Variants in PRSS55 observed in about 807,000 individuals in gnomAD.
The protein encoded by PRSS55 is probable serine protease UNQ9391/PRO34284.
Under a neutral mutation model 23.6 loss-of-function variants are expected in PRSS55, and 41 were observed. The ratio of observed to expected loss-of-function variants is 1.74; its 90% CI spans 1.35 to 2.26. The LOEUF is 2.26. Ranked by LOEUF, PRSS55 falls within the 30% of genes most tolerant of loss-of-function variation. The pLI is 0.00. For missense variants in PRSS55, 669 were observed against 439.1 expected, an observed-to-expected ratio of 1.52 and a Z score of -4.68; for synonymous variants, 262 against 175.5, an observed-to-expected ratio of 1.49 and a Z score of -3.90.
chr8:10,539,682 G>C (rs555021308), downstream of PRSS55, among the ~76,000 whole-genome samples: 3 of 152,286 alleles, frequency 2.0e-5, no homozygotes, highest in Non-Finnish European at 4.4e-5. Context: ...TTTTATAAGA[G>C]GTTTCCCTTT....
rs572189644 is a variant in PRSS55, at chr8:10,529,712, G to A, written c.347+13G>A. On this transcript the variant is annotated intron_variant, in intron 2 of 4. Transcript: ENST00000328655. Reference sequence around the variant, plus strand: ...CCGAGGAGCTGTTGTAAGTACCATGGGCCTCCCACTGCCACCTCTCAGGGC... The same window carrying A: ...CCGAGGAGCTGTTGTAAGTACCATGAGCCTCCCACTGCCACCTCTCAGGGC... 1 of 1,604,268 alleles carries A rather than the reference G, an allele frequency of 6.2e-7. No homozygotes were observed. The highest frequency in any genetic ancestry group is 1.3e-5 in the African/African-American group (1 of 74,856).
chr8:10,552,002 A>G (rs1812962582), intron 4 of PRSS55, among the ~76,000 whole-genome samples: 1 of 152,202 alleles, frequency 6.6e-6, no homozygotes, highest in Non-Finnish European at 1.5e-5. Context: ...GGGTGTGGAG[A>G]TGCACGGCAG....
At chr8:10,529,783 A>C (rs1812183278) in intron 2 of PRSS55, 84 bp downstream of exon 2, 1 of 1,363,056 alleles carries the variant, frequency 7.3e-7, no homozygotes, top group Non-Finnish European at 1.0e-6. Context: ...CTGGTGGCTG[A>C]GAGGAACCTG....
Position 10,538,470 on chromosome 8 carries a change from C to T in PRSS55, c.742-6C>T. On this transcript the variant is annotated splice_region_variant and splice_polypyrimidine_tract_variant and intron_variant, in intron 4 of 4. Transcript: ENST00000328655. The stretch of plus-strand genomic sequence containing the variant: ...CTCCCTGCTGAGCTGTGTTCTCTGC[C>T]CACAGGGTGACAGTGGGGGGCCTCT... 5 of 1,607,074 alleles carry T rather than the reference C, an allele frequency of 3.1e-6. No homozygotes were observed. Among genetic ancestry groups the T allele is most frequent in the Non-Finnish European group, 3.4e-6 (4 of 1,175,566 alleles).
intron 2 of PRSS55, among the ~76,000 whole-genome samples, chr8:10,530,308 A>G (rs1563536587): frequency 1.3e-5 from 2 of 151,922 alleles, no homozygotes; most frequent in Non-Finnish European, 1.5e-5. Flanking sequence ...AACCCCATCT[A>G]TACTAAAAAT....
At chr8:10,543,420 C>CTTTTCTTTTCT (rs376890501), downstream of PRSS55, among the ~76,000 whole-genome samples, 2 of 113,912 alleles carry the variant, frequency 1.8e-5, no homozygotes, top group African/African-American at 7.5e-5. Context: ...TTTCTTCTTT[C>CTTTTCTTTTCT]TTTCTTCCTT....
chr8:10,533,411 A>G (rs1010012218), intron 4 of PRSS55, among the ~76,000 whole-genome samples: 2 of 152,212 alleles, frequency 1.3e-5, no homozygotes, highest in Non-Finnish European at 2.9e-5. Context: ...TTTGTTGAGC[A>G]TACAAGGCCC....
downstream of PRSS55, among the ~76,000 whole-genome samples, chr8:10,543,468 CTTT>C: frequency 1.9e-5 from 2 of 104,250 alleles, 1 homozygote; most frequent in African/African-American, 8.3e-5. Context: ...TCCTTCCTTT[CTTT>C]CTTTCTCTCT....
At chr8:10,528,895 A>C (rs965554244) in intron 1 of PRSS55, among the ~76,000 whole-genome samples, 2 of 152,112 alleles carry the variant, frequency 1.3e-5, no homozygotes, top group African/African-American at 4.8e-5. Context: ...TTCATCTTCA[A>C]AGCCAGCTAT....
exon 5 of PRSS55, chr8:10,554,013 C>A (rs1813008342): frequency 2.0e-6 from 3 of 1,530,060 alleles, no homozygotes; most frequent in East Asian, 4.9e-5. Context: ...GGGTCTCACA[C>A]CTTTCATCTG....
intron 4 of PRSS55, among the ~76,000 whole-genome samples, chr8:10,544,125 G>A (rs150875513): frequency 3.6e-4 from 53 of 146,534 alleles, no homozygotes; most frequent in African/African-American, 1.3e-3. Context: ...TGAGATTTAA[G>A]TCTCCAACTT....
chr8:10,549,676 G>A (rs1009013620), intron 4 of PRSS55, among the ~76,000 whole-genome samples: 4 of 152,190 alleles, frequency 2.6e-5, no homozygotes, highest in African/African-American at 4.8e-5. Context: ...GCTTCCTGAC[G>A]TCGGTTCCAA....
exon 5 of PRSS55, chr8:10,554,102 T>C (rs1418935112): frequency 1.0e-6 from 1 of 968,680 alleles, no homozygotes; most frequent in Admixed American, 2.9e-5. Context: ...TAGCCTTGAG[T>C]TGAAAATCTT....
intron 1 of PRSS55, among the ~76,000 whole-genome samples, chr8:10,529,078 C>G (rs1034079754): frequency 6.6e-6 from 1 of 152,212 alleles, no homozygotes. Context: ...CCAAAGCCCC[C>G]CTTTCCTTGC....
chr8:10,539,510 C>T (rs985656158), downstream of PRSS55, among the ~76,000 whole-genome samples: 1 of 152,222 alleles, frequency 6.6e-6, no homozygotes, highest in Non-Finnish European at 1.5e-5. Flanking sequence ...GAGGACCCCA[C>T]TGATATGGTT....
chr8:10,553,059 A>C (rs1327884817), intron 4 of PRSS55, among the ~76,000 whole-genome samples: 1 of 152,220 alleles, frequency 6.6e-6, no homozygotes, highest in Non-Finnish European at 1.5e-5. Context: ...TAATCCCCAT[A>C]ATTCTCAACT....
intron 3 of PRSS55, chr8:10,531,829 C>G (rs1347063804): frequency 2.3e-6 from 1 of 428,422 alleles, no homozygotes; most frequent in Non-Finnish European, 4.2e-6. Context: ...GGCCCCTCTA[C>G]TCTGTATTCA....
At chr8:10,550,512 CAG>C (rs1359982307) in intron 4 of PRSS55, among the ~76,000 whole-genome samples, 1 of 152,188 alleles carries the variant, frequency 6.6e-6, no homozygotes, top group Non-Finnish European at 1.5e-5. Context: ...ACTTCCAAGA[CAG>C]ATACAAACTC....
intron 1 of PRSS55, among the ~76,000 whole-genome samples, chr8:10,527,611 C>A (rs1812079050): frequency 6.6e-6 from 1 of 152,182 alleles, no homozygotes. Context: ...AGGTAGCTGC[C>A]TGGGGAAGAA....
Sources: allele counts gnomAD v4.1 joint callset (sites outside exome capture counted in the v4.1 genomes callset), GRCh38; gene constraint gnomAD v4.1.1; transcripts MANE v1.5; gene names NCBI Gene and HGNC (gene_info 2026-07-23, HGNC 2026-07-21).